The following EEA1 variants were observed in gnomAD, a reference collection of about 807,000 sequenced individuals.
EEA1 encodes the protein early endosome antigen 1.
Under a neutral mutation model 209.2 loss-of-function variants are expected in EEA1, and 111 were observed. The ratio of observed to expected loss-of-function variants is 0.53; its 90% CI spans 0.45 to 0.62. EEA1 has a LOEUF of 0.62. Ranked by LOEUF, EEA1 falls within the 20% of genes least tolerant of loss-of-function variation. The pLI is 0.00. For missense variants in EEA1, 1,343 were observed against 1,530.8 expected, an observed-to-expected ratio of 0.88 and a Z score of 2.05; for synonymous variants, 536 against 540.6, an observed-to-expected ratio of 0.99 and a Z score of 0.12.
chr12:92,779,488 T>A (rs1273984761), intron 24 of EEA1, among the ~76,000 whole-genome samples, 188 bp from the exon 25 acceptor site: 1 of 152,112 alleles, frequency 6.6e-6, no homozygotes, highest in Non-Finnish European at 1.5e-5. Context: ...TGCTCAACAA[T>A]CATTTAAATC....
At position 92,774,831 on chromosome 12, in the gene EEA1, TTTTAAC is replaced by T. The variant is rs1404250846; in HGVS notation, c.*1174_*1179del. Reference sequence around the variant, plus strand: ...ACATGGAACACCAAATTCAGAACCATTTTAACTTTAAGTCAATTTTACAACTTTTAA... The same window carrying T: ...ACATGGAACACCAAATTCAGAACCATTTTAAGTCAATTTTACAACTTTTAA... On this transcript the variant is annotated 3_prime_UTR_variant, in exon 29 of 29. Transcript: ENST00000322349. The T allele has an allele frequency of 2.0e-5, 3 of 151,656 alleles. No homozygotes were observed. The highest frequency in any genetic ancestry group is 1.9e-4 in the East Asian group (1 of 5,200). The allele number at this position is 151,656 out of a possible 1,614,324, so 9.4% of individuals were successfully genotyped here.
intron 28 of EEA1, 90 bp downstream of exon 28, chr12:92,776,754 T>A: frequency 8.4e-7 from 1 of 1,195,290 alleles, no homozygotes; most frequent in Admixed American, 1.9e-5. Context: ...AATTATTCTG[T>A]CAAATGAAGG....
At chr12:92,840,308 C>T (rs1019390982) in intron 10 of EEA1, among the ~76,000 whole-genome samples, 24 of 152,182 alleles carry the variant, frequency 1.6e-4, no homozygotes, top group African/African-American at 5.5e-4. Flanking sequence ...AAACAAAATA[C>T]TATATGTTGC....
At chr12:92,858,362 T>A (rs913130772) in intron 3 of EEA1, 13 of 924,726 alleles carry the variant, frequency 1.4e-5, no homozygotes, top group Non-Finnish European at 2.1e-5. Flanking sequence ...GATATGATGA[T>A]TCTTCCAAAG....
intron 9 of EEA1, among the ~76,000 whole-genome samples, chr12:92,847,083 G>C (rs745965174): frequency 6.6e-6 from 1 of 152,078 alleles, no homozygotes; most frequent in Non-Finnish European, 1.5e-5. Flanking sequence ...CTCCCAAGTA[G>C]CTGGGATTAC....
At chr12:92,801,785 C>A (rs1874926442) in intron 19 of EEA1, 84 bp from the exon 20 acceptor site, 6 of 883,710 alleles carry the variant, frequency 6.8e-6, no homozygotes, top group Non-Finnish European at 9.6e-6. Context: ...GTAAGATACA[C>A]ACGAAGAAAT....
intron 2 of EEA1, among the ~76,000 whole-genome samples, chr12:92,883,065 C>A (rs1412638776): frequency 6.6e-6 from 1 of 152,196 alleles, no homozygotes; most frequent in Non-Finnish European, 1.5e-5. Context: ...TTCTCTGCAG[C>A]CTCACCAACA....
chr12:92,847,587 C>A (rs1877437637), intron 9 of EEA1, among the ~76,000 whole-genome samples: 2 of 152,000 alleles, frequency 1.3e-5, no homozygotes, highest in South Asian at 2.1e-4. Context: ...TTACAACACA[C>A]AATATGGCAA....
chr12:92,876,382 T>C (rs1878886534), intron 2 of EEA1, among the ~76,000 whole-genome samples: 2 of 152,144 alleles, frequency 1.3e-5, no homozygotes, highest in Admixed American at 1.3e-4. Flanking sequence ...TTAGTATGTT[T>C]TTATTTTTGC....
intron 1 of EEA1, among the ~76,000 whole-genome samples, chr12:92,920,388 A>C (rs1880939152): frequency 7.0e-6 from 1 of 142,112 alleles, no homozygotes; most frequent in South Asian, 2.1e-4. Flanking sequence ...TGGTACTGGT[A>C]CCAAAACAGA....
At chr12:92,861,539 TA>T (rs1231045894) in intron 3 of EEA1, among the ~76,000 whole-genome samples, 1 of 152,160 alleles carries the variant, frequency 6.6e-6, no homozygotes, top group African/African-American at 2.4e-5. Context: ...CTCAAACAAG[TA>T]CAAATGGTAT....
intron 1 of EEA1, among the ~76,000 whole-genome samples, chr12:92,906,226 G>C (rs2136771579): frequency 6.6e-6 from 1 of 151,974 alleles, no homozygotes; most frequent in African/African-American, 2.4e-5. Context: ...TGAGTAGCTG[G>C]GACTATAGGC....
intron 5 of EEA1, 151 bp downstream of exon 5, chr12:92,857,124 G>T: frequency 5.7e-6 from 3 of 530,076 alleles, no homozygotes; most frequent in Non-Finnish European, 9.9e-6. Context: ...TCATACATTT[G>T]TTTGCATTCA....
intron 1 of EEA1, among the ~76,000 whole-genome samples, chr12:92,915,129 T>G (rs1046304204): frequency 6.6e-6 from 1 of 152,138 alleles, no homozygotes; most frequent in African/African-American, 2.4e-5. Context: ...AGACACATAT[T>G]ATTATTAAGT....
At chr12:92,883,710 G>A in intron 2 of EEA1, 1 of 884,958 alleles carries the variant, frequency 1.1e-6, no homozygotes, top group Admixed American at 2.1e-5. Context: ...TCATCAGCTT[G>A]TTCTTTTCTG....
intron 18 of EEA1, among the ~76,000 whole-genome samples, chr12:92,804,474 A>C (rs1418599181): frequency 1.3e-5 from 2 of 151,742 alleles, no homozygotes; most frequent in African/African-American, 2.4e-5. Flanking sequence ...CGTGAGGCTG[A>C]AGCAGGAGAA....
At chr12:92,808,486 T>C (rs1649266120) in intron 18 of EEA1, among the ~76,000 whole-genome samples, 1 of 151,910 alleles carries the variant, frequency 6.6e-6, no homozygotes, top group African/African-American at 2.4e-5. Flanking sequence ...TTATTTTTTT[T>C]TTTTTTTTCT....
chr12:92,864,296 T>C (rs1878277788), intron 3 of EEA1, among the ~76,000 whole-genome samples: 1 of 152,210 alleles, frequency 6.6e-6, no homozygotes, highest in African/African-American at 2.4e-5. Context: ...ATGCCCTCAG[T>C]GGGGATAAAA....
intron 20 of EEA1, among the ~76,000 whole-genome samples, chr12:92,799,802 TAAAA>T (rs571349223): frequency 7.5e-5 from 11 of 146,218 alleles, no homozygotes; most frequent in South Asian, 2.2e-4. Context: ...AAATAATAAT[TAAAA>T]AAAAAAATTC....
Sources: allele counts gnomAD v4.1 joint callset (sites outside exome capture counted in the v4.1 genomes callset), GRCh38; gene constraint gnomAD v4.1.1; transcripts MANE v1.5; gene names NCBI Gene and HGNC (gene_info 2026-07-23, HGNC 2026-07-21).